DCP2: variants seen among roughly 807,000 people sequenced by gnomAD.
DCP2 encodes decapping mRNA 2.
DCP2 carries 30 observed loss-of-function variants against 56.1 expected under a neutral mutation model. The observed-to-expected ratio is 0.53, with a 90% CI of 0.40 to 0.73. The LOEUF (loss-of-function observed/expected upper bound fraction) is 0.73, where lower values mean the gene tolerates loss of function less well. DCP2 is among the 30% of genes least tolerant of loss of function. The pLI is 0.00. For synonymous variants in DCP2, 197 were observed against 163.3 expected (o/e 1.21, Z -1.57); for missense variants, 533 against 502.7 (o/e 1.06, Z -0.58).
At chr5:112,988,504 A>AT (rs1490308346) in intron 2 of DCP2, among the ~76,000 whole-genome samples, 2 of 150,270 alleles carry the variant, frequency 1.3e-5, no homozygotes, top group African/African-American at 4.9e-5. Flanking sequence ...TAAAAAAAAA[A>AT]AAAAAAAAAA....
Position 113,019,319 on chromosome 5 carries a change from G to A in DCP2, c.*5835G>A, listed in dbSNP as rs1387805122. On this transcript the variant is annotated 3_prime_UTR_variant, in exon 11 of 11. Transcript: ENST00000389063. ...CAGTTGGTTGATTAGATGGGTTAGT[G>A]CTTTTGGAATATATAACAGTAGACT... The A allele has an allele frequency of 6.6e-6, 1 of 152,188 alleles. No individual in the cohort carries two copies. Among genetic ancestry groups the A allele is most frequent in the Non-Finnish European group, 1.5e-5 (1 of 68,042 alleles). 9.4% of individuals were successfully genotyped at this position (152,188 alleles called of 1,614,324 possible).
Position 113,001,605 on chromosome 5 carries a change from C to G in DCP2, c.737C>G (p.Ser246Cys). 1 of 1,614,142 alleles carries G rather than the reference C, an allele frequency of 6.2e-7. No homozygotes were observed. ...RDWLSRRFGD[S>C]SDSDNGFSST... ...TGGCTTTCTCGAAGATTTGGCGATT[C>G]CTCAGACAGTGACAATGGATTTTCC... Residue 246 changes from serine (S) to cysteine (C), a missense_variant, in exon 7 of 11, where the codon TCC becomes TGC. Physicochemically the swap from Ser to Cys is moderately radical, Grantham distance 112. Around this residue, in one of 3 missense-constraint regions of DCP2, gnomAD observed 392 missense variants for 346.6 expected, o/e 1.13. Coordinates refer to ENST00000389063, the MANE Select transcript of DCP2 (RefSeq NM_152624.6).
rs771106407 is a variant in DCP2, at chr5:113,017,868, G to C, written c.*4384G>C. On this transcript the variant is annotated 3_prime_UTR_variant, in exon 11 of 11. Transcript: ENST00000389063. ...TACATATATATGTATCGCCATTATCGAGTGTTTTCTAGCCCTGGATAAAGT... is the reference window on the plus strand; with the variant it reads ...TACATATATATGTATCGCCATTATCCAGTGTTTTCTAGCCCTGGATAAAGT... 1.3e-5 allele frequency: 2 copies of C among 151,910 alleles called. No individual in the cohort carries two copies. The highest frequency in any genetic ancestry group is 2.9e-5 in the Non-Finnish European group (2 of 67,992). 9.4% of individuals were successfully genotyped at this position (151,910 alleles called of 1,614,324 possible).
At chr5:113,004,341 A>G (rs1162419545) in intron 8 of DCP2, among the ~76,000 whole-genome samples, 1 of 152,254 alleles carries the variant, frequency 6.6e-6, no homozygotes, top group Non-Finnish European at 1.5e-5. Context: ...AATAAGTCAT[A>G]AGGAAAATAT....
intron 9 of DCP2, among the ~76,000 whole-genome samples, chr5:113,009,447 C>T (rs750887244): frequency 4.3e-4 from 66 of 152,200 alleles, no homozygotes; most frequent in African/African-American, 1.5e-3. Flanking sequence ...TACATTTCTC[C>T]GATCAGATTG....
At chr5:112,997,619 T>C (rs561087109) in intron 4 of DCP2, among the ~76,000 whole-genome samples, 2 of 151,126 alleles carry the variant, frequency 1.3e-5, no homozygotes, top group East Asian at 1.9e-4. Context: ...TTTTCTTTTT[T>C]TTTTTTTTGA....
intron 8 of DCP2, among the ~76,000 whole-genome samples, 161 bp from the exon 9 acceptor site, chr5:113,007,777 T>G (rs1749507593): frequency 6.6e-6 from 1 of 152,238 alleles, no homozygotes; most frequent in Non-Finnish European, 1.5e-5. Context: ...AAGCACTGAC[T>G]TCTATAAGAA....
chr5:113,004,503 C>T lies in DCP2; in HGVS notation c.942+426C>T, dbSNP rs78606224. On this transcript the variant is annotated intron_variant, in intron 8 of 10. Transcript: ENST00000389063. The stretch of plus-strand genomic sequence containing the variant: ...TCCTTTTTTCCACATGTTCTAAGCA[C>T]CACAGTTTATTTATTCATAACACTG... 6.9e-3 allele frequency among the ~76,000 whole-genome samples: 1,055 copies of T among 152,288 alleles called. 9 individuals carry two copies. Among genetic ancestry groups the T allele is most frequent in the African/African-American group, 0.023 (976 of 41,548 alleles).
At position 113,004,015 on chromosome 5, in the gene DCP2, C is replaced by T; in HGVS notation, c.880C>T (p.Gln294Ter). 1 of 1,614,100 alleles carries T rather than the reference C, an allele frequency of 6.2e-7. No individual in the cohort carries two copies. Residue 294 changes from glutamine to a stop codon, truncating the protein, a stop_gained, in exon 8 of 11, where the codon CAA becomes TAA. Transcript: ENST00000389063. LOFTEE classifies it high-confidence loss of function. ...SPGDQWVKHR[Q>*]PLQQKPYNNH... ...TGGTGACCAGTGGGTAAAGCACAGG[C>T]AACCACTGCAGCAAAAGCCATATAA...
At chr5:112,981,732 A>G (rs1052401373) in intron 1 of DCP2, among the ~76,000 whole-genome samples, 1 of 152,158 alleles carries the variant, frequency 6.6e-6, no homozygotes, top group Admixed American at 6.5e-5. Flanking sequence ...GGGGAAAGAA[A>G]TATATGCTTT....
chr5:112,977,073 C>A, intron 1 of DCP2, 87 bp downstream of exon 1: 1 of 1,044,192 alleles, frequency 9.6e-7, no homozygotes, highest in South Asian at 2.0e-5. Context: ...TCTTCCCCGC[C>A]CACGTCCATG....
intron 10 of DCP2, among the ~76,000 whole-genome samples, chr5:113,012,890 C>G (rs1413983607): frequency 1.3e-5 from 2 of 152,170 alleles, no homozygotes; most frequent in African/African-American, 4.8e-5. Context: ...GATCTGCCCT[C>G]CTTGGCCTCC....
rs1407878298 is a variant in DCP2 at position 113,020,481 on chromosome 5, T to C, written c.*6997T>C. 1 of 152,242 alleles carries C rather than the reference T, an allele frequency of 6.6e-6. No homozygotes were observed. The highest frequency in any genetic ancestry group is 1.5e-5 in the Non-Finnish European group (1 of 68,026). 9.4% of individuals were successfully genotyped at this position (152,242 alleles called of 1,614,324 possible). Reference sequence around the variant, plus strand: ...AGCAGAAAAGGAACCCCAAAACACCTGTAGTGTTCACCTTGTTATAAGAAC... The same window carrying C: ...AGCAGAAAAGGAACCCCAAAACACCCGTAGTGTTCACCTTGTTATAAGAAC... On this transcript the variant is annotated 3_prime_UTR_variant, in exon 11 of 11. Transcript: ENST00000389063.
At chr5:113,005,739 G>C (rs566338518) in intron 8 of DCP2, among the ~76,000 whole-genome samples, 1 of 152,180 alleles carries the variant, frequency 6.6e-6, no homozygotes, top group Middle Eastern at 3.2e-3. Flanking sequence ...ATAGCCAAAA[G>C]GTGGAAACAA....
At chr5:113,007,041 G>A (rs1052701583) in intron 8 of DCP2, among the ~76,000 whole-genome samples, 2 of 152,044 alleles carry the variant, frequency 1.3e-5, no homozygotes, top group Non-Finnish European at 2.9e-5. Flanking sequence ...GGGAGGCTGA[G>A]GCAGGAGAAT....
intron 2 of DCP2, among the ~76,000 whole-genome samples, chr5:112,989,365 G>A (rs1748465899): frequency 1.3e-5 from 2 of 151,762 alleles, no homozygotes; most frequent in Non-Finnish European, 2.9e-5. Flanking sequence ...ATTTGTACAT[G>A]TAAGTCGTTT....
intron 9 of DCP2, among the ~76,000 whole-genome samples, chr5:113,008,806 A>C (rs1749554477): frequency 6.6e-6 from 1 of 152,128 alleles, no homozygotes; most frequent in African/African-American, 2.4e-5. Flanking sequence ...AAAGGCTTTT[A>C]ATAAAATTCA....
chr5:112,977,543 T>A (rs1747775370), intron 1 of DCP2, among the ~76,000 whole-genome samples: 1 of 152,218 alleles, frequency 6.6e-6, no homozygotes, highest in Non-Finnish European at 1.5e-5. Flanking sequence ...TACTTTTTTT[T>A]TCTCATCCCT....
chr5:112,983,013 A>C (rs957364504), intron 1 of DCP2, among the ~76,000 whole-genome samples: 13 of 152,220 alleles, frequency 8.5e-5, no homozygotes, highest in Non-Finnish European at 1.8e-4. Context: ...AGCAGACTTT[A>C]AAGGATAAAG....
Sources: gnomAD v4.1 joint callset for allele counts (sites outside exome capture counted in the v4.1 genomes callset) on GRCh38, gnomAD v4.1.1 for gene constraint, gnomAD v4.1.1 regional missense constraint, MANE v1.5 for transcripts, NCBI Gene and HGNC (gene_info 2026-07-23, HGNC 2026-07-21) for gene names.